SYN2: variants seen among roughly 807,000 people sequenced by gnomAD.
SYN2 encodes the protein synapsin-2.
A neutral mutation model predicts 50.9 loss-of-function variants in SYN2; 19 were observed. The observed-to-expected ratio is 0.37, with a 90% CI of 0.26 to 0.55. The LOEUF (loss-of-function observed/expected upper bound fraction) is 0.55, where lower values mean the gene tolerates loss of function less well. Ranked by LOEUF, SYN2 falls within the 20% of genes least tolerant of loss-of-function variation. The pLI, the probability that SYN2 is intolerant of heterozygous loss-of-function variation, is 0.81. For missense variants in SYN2, 587 were observed against 576.4 expected, an observed-to-expected ratio of 1.02 and a Z score of -0.19; for synonymous variants, 255 against 224.9, an observed-to-expected ratio of 1.13 and a Z score of -1.20.
intron 10 of SYN2, among the ~76,000 whole-genome samples, chr3:12,173,868 C>G (rs61341790): frequency 6.6e-6 from 1 of 152,002 alleles, no homozygotes; most frequent in Non-Finnish European, 1.5e-5. Context: ...GAGCCGAGAT[C>G]GTACCAGTGC....
chr3:12,098,856 C>CAT (rs35420190), intron 1 of SYN2, among the ~76,000 whole-genome samples: 58,935 of 133,252 alleles, frequency 0.44, 13,837 homozygotes, highest in Non-Finnish European at 0.53. Flanking sequence ...AAAGCAAAAG[C>CAT]ATATATATAT....
Position 12,148,210 on chromosome 3 carries a change from C to T in SYN2, c.684+2375C>T, listed in dbSNP as rs545530876. On this transcript the variant is annotated intron_variant, in intron 4 of 12. Transcript: ENST00000621198. ...GGGAGAGCCTGTGGCTAGGGCTTTG[C>T]TCCTCCCGGGATCTGGGATCTGGTG... 9.8e-5 allele frequency among the ~76,000 whole-genome samples: 15 copies of T among 152,330 alleles called. 1 individual carries two copies. In the South Asian group the frequency reaches 3.1e-3, roughly 32 times the overall value.
chr3:12,148,218 G>A (rs779044658), intron 4 of SYN2, among the ~76,000 whole-genome samples: 1 of 152,264 alleles, frequency 6.6e-6, no homozygotes, highest in East Asian at 1.9e-4. Context: ...TGCTCCTCCC[G>A]GGATCTGGGA....
chr3:12,004,424 G>T lies in SYN2; in HGVS notation c.-128G>T. ...GCTGTCTGCGGGGTCTGGTGCCGGGGCCTGAGTCTCTGCTGGCTAAGCCGC... is the reference window on the plus strand; with the variant it reads ...GCTGTCTGCGGGGTCTGGTGCCGGGTCCTGAGTCTCTGCTGGCTAAGCCGC... On this transcript the variant is annotated 5_prime_UTR_variant, in exon 1 of 13. Transcript: ENST00000621198. The T allele has an allele frequency of 8.3e-6, 2 of 240,320 alleles. 1 individual carries two copies. Among genetic ancestry groups the T allele is most frequent in the Non-Finnish European group, 1.7e-5 (2 of 120,174 alleles). 14.9% of individuals were successfully genotyped at this position (240,320 alleles called of 1,614,324 possible).
chr3:12,031,767 T>G (rs2125142682), intron 1 of SYN2, among the ~76,000 whole-genome samples: 1 of 40,516 alleles, frequency 2.5e-5, no homozygotes, highest in Non-Finnish European at 5.6e-5. Flanking sequence ...TTTGAGCCTA[T>G]GTGTGTCTCT....
Position 12,187,415 on chromosome 3 carries a change from G to A in SYN2, c.1416G>A (p.Leu472=). The change falls in exon 12 of 13, where the codon CTG becomes CTA. Residue 472 remains leucine, a synonymous_variant. Transcript: ENST00000621198. ...GAATGCAGCCCCCAGGCAAGGTGCTGCCTCCACGCCGGCTCCCCCCTGGAC... is the reference window on the plus strand; with the variant it reads ...GAATGCAGCCCCCAGGCAAGGTGCTACCTCCACGCCGGCTCCCCCCTGGAC... ...PQGMQPPGKV[L]PPRRLPPGPS... The A allele has an allele frequency of 6.4e-7, 1 of 1,551,538 alleles. No individual in the cohort carries two copies. The highest frequency in any genetic ancestry group is 2.4e-5 in the East Asian group (1 of 40,934).
chr3:12,180,678 G>C (rs778513443), intron 10 of SYN2, among the ~76,000 whole-genome samples: 2 of 152,144 alleles, frequency 1.3e-5, no homozygotes, highest in Non-Finnish European at 1.5e-5. Flanking sequence ...CCGGGGCCAA[G>C]AGAAGCTTCC....
intron 1 of SYN2, among the ~76,000 whole-genome samples, chr3:12,131,161 G>A (rs918724405): frequency 6.6e-6 from 1 of 152,242 alleles, no homozygotes; most frequent in African/African-American, 2.4e-5. Context: ...TGGTGCAGGA[G>A]TGTGTCCTGC....
Position 12,190,585 on chromosome 3 carries a change from G to A in SYN2, c.1709G>A (p.Arg570Gln), listed in dbSNP as rs747403570. 2.4e-5 allele frequency: 39 copies of A among 1,612,978 alleles called. 1 individual carries two copies. The highest frequency in any genetic ancestry group is 1.5e-4 in the Admixed American group (9 of 59,872). ...NEDEAKAETI[R>Q]SLRKSFASLF... ...GATGAAGCCAAAGCAGAGACCATCCGGAGCTTGAGGAAGTCCTTTGCCAGC... is the reference window on the plus strand; with the variant it reads ...GATGAAGCCAAAGCAGAGACCATCCAGAGCTTGAGGAAGTCCTTTGCCAGC... The change falls in exon 13 of 13, where the codon CGG becomes CAG. Residue 570 changes from arginine (R) to glutamine (Q), a missense_variant. Physicochemically the swap from Arg to Gln is conservative, Grantham distance 43. Transcript: ENST00000621198.
chr3:12,105,168 A>G (rs1191029408), intron 1 of SYN2, among the ~76,000 whole-genome samples: 1 of 152,128 alleles, frequency 6.6e-6, no homozygotes, highest in African/African-American at 2.4e-5. Flanking sequence ...CTAAATTAGA[A>G]GAATGTCAAC....
chr3:12,011,405 A>G (rs1209654189), intron 1 of SYN2, among the ~76,000 whole-genome samples: 1 of 152,202 alleles, frequency 6.6e-6, no homozygotes, highest in African/African-American at 2.4e-5. Flanking sequence ...AGGAAGACGT[A>G]GTTTTTAGTA....
chr3:12,073,546 G>C (rs1203756620), intron 1 of SYN2, among the ~76,000 whole-genome samples: 1 of 151,978 alleles, frequency 6.6e-6, no homozygotes, highest in East Asian at 1.9e-4. Context: ...CATCCTTGTG[G>C]GTTTATAACT....
chr3:12,143,614 T>C (rs1007047191), intron 3 of SYN2, among the ~76,000 whole-genome samples: 1 of 152,154 alleles, frequency 6.6e-6, no homozygotes, highest in Admixed American at 6.5e-5. Context: ...GCAAAAGACA[T>C]GATTTTATTT....
chr3:12,183,981 A>G lies in SYN2; in HGVS notation c.1369+609A>G, dbSNP rs1371593629. On this transcript the variant is annotated intron_variant, in intron 11 of 12. Coordinates refer to ENST00000621198, the MANE Select transcript of SYN2 (RefSeq NM_133625.6). The stretch of plus-strand genomic sequence containing the variant: ...CTAGATAGAACATTAAGAGATTTTC[A>G]AGATCAAACTTCCATAGCTTCATCC... 6 of 986,130 alleles carry G rather than the reference A, an allele frequency of 6.1e-6. No homozygotes were observed. The Admixed American group carries it at 3.7e-4, about 61-fold the overall frequency. 61.1% of individuals were successfully genotyped at this position (986,130 alleles called of 1,614,324 possible). A position where few individuals can be genotyped will look rare whatever the true frequency, so the allele number is the denominator to read the frequency against.
intron 1 of SYN2, among the ~76,000 whole-genome samples, chr3:12,036,765 G>A (rs1694507321): frequency 6.6e-6 from 1 of 152,206 alleles, no homozygotes; most frequent in South Asian, 2.1e-4. Flanking sequence ...TACATCCTTA[G>A]TATTCTCTCC....
Position 12,005,310 on chromosome 3 carries a change from C to T in SYN2, c.377+382C>T, listed in dbSNP as rs540465658. On this transcript the variant is annotated intron_variant, in intron 1 of 12. Transcript: ENST00000621198. ...AAATAGTCCCAGGAGGCCGAAGGAA[C>T]ATTTAGGGCCAGTAAAAAAGGTTTA... Among the ~76,000 whole-genome samples, 16 of 152,104 alleles carry T rather than the reference C, an allele frequency of 1.1e-4. No homozygotes were observed. The South Asian group carries it at 2.9e-3, about 28-fold the overall frequency.
intron 1 of SYN2, among the ~76,000 whole-genome samples, chr3:12,097,286 A>G (rs1488053954): frequency 1.3e-5 from 2 of 152,214 alleles, no homozygotes; most frequent in Non-Finnish European, 1.5e-5. Flanking sequence ...CCAAATGTCC[A>G]TCAATGATAG....
chr3:12,162,811 C>T (rs2125237228), intron 7 of SYN2, among the ~76,000 whole-genome samples: 1 of 152,236 alleles, frequency 6.6e-6, no homozygotes, highest in South Asian at 2.1e-4. Flanking sequence ...GTCCATTTGC[C>T]AGGATGGAAA....
chr3:12,007,624 A>C (rs1426681205), intron 1 of SYN2, among the ~76,000 whole-genome samples: 1 of 152,240 alleles, frequency 6.6e-6, no homozygotes, highest in East Asian at 1.9e-4. Context: ...TGGAATAGGA[A>C]GTCAGAGTGT....
Sources: allele counts gnomAD v4.1 joint callset (sites outside exome capture counted in the v4.1 genomes callset), GRCh38; gene constraint gnomAD v4.1.1; transcripts MANE v1.5; gene names NCBI Gene and HGNC (gene_info 2026-07-23, HGNC 2026-07-21).